Variants in HS3ST3A1 observed in about 807,000 individuals in gnomAD.
The protein encoded by HS3ST3A1 is heparan sulfate glucosamine 3-O-sulfotransferase 3A1.
HS3ST3A1 carries 19 observed loss-of-function variants against 25.7 expected under a neutral mutation model. The observed-to-expected ratio is 0.74, with a 90% CI of 0.52 to 1.08. HS3ST3A1 has a LOEUF of 1.08. HS3ST3A1 is among the 50% of genes least tolerant of loss of function. The pLI, the probability that HS3ST3A1 is intolerant of heterozygous loss-of-function variation, is 0.00. For missense variants in HS3ST3A1, 459 were observed against 594.3 expected (o/e 0.77, Z 2.37); for synonymous variants, 226 against 278.6 (o/e 0.81, Z 1.88).
intron 1 of HS3ST3A1, among the ~76,000 whole-genome samples, chr17:13,512,689 T>A (rs1262234877): frequency 6.6e-6 from 1 of 152,212 alleles, no homozygotes; most frequent in East Asian, 1.9e-4. Context: ...AGACCATTGC[T>A]GTCAGTAGAA....
intron 1 of HS3ST3A1, among the ~76,000 whole-genome samples, chr17:13,532,563 G>A (rs1007240424): frequency 3.9e-5 from 6 of 151,976 alleles, no homozygotes; most frequent in Admixed American, 6.6e-5. Flanking sequence ...TCCAGGGCCC[G>A]AGGGGGGCCA....
At chr17:13,510,954 T>C (rs1235983158) in intron 1 of HS3ST3A1, among the ~76,000 whole-genome samples, 1 of 152,200 alleles carries the variant, frequency 6.6e-6, no homozygotes, top group Non-Finnish European at 1.5e-5. Flanking sequence ...ATCACTCTTA[T>C]GATATAAAAC....
chr17:13,522,379 G>C lies in HS3ST3A1; in HGVS notation c.600-25561C>G, dbSNP rs28454210. 8.1e-3 allele frequency among the ~76,000 whole-genome samples: 1,225 copies of C among 152,114 alleles called. 15 individuals carry two copies. The highest frequency in any genetic ancestry group is 0.028 in the African/African-American group (1,156 of 41,502). On this transcript the variant is annotated intron_variant, in intron 1 of 1. Transcript: ENST00000284110. ...ATATTGTATTGTATGCTTTTGTTTG[G>C]TTGTTTTAATTTAATATGGTTTTCT...
At chr17:13,536,391 C>G (rs1258081106) in intron 1 of HS3ST3A1, among the ~76,000 whole-genome samples, 1 of 152,070 alleles carries the variant, frequency 6.6e-6, no homozygotes. Context: ...AAAATATACT[C>G]TTTGTTAATA....
At chr17:13,505,224 G>A (rs1255439742) in intron 1 of HS3ST3A1, among the ~76,000 whole-genome samples, 1 of 152,194 alleles carries the variant, frequency 6.6e-6, no homozygotes, top group Non-Finnish European at 1.5e-5. Flanking sequence ...ATAGTATACA[G>A]ACGACGGCTC....
At chr17:13,508,972 T>TC (rs1478442515) in intron 1 of HS3ST3A1, among the ~76,000 whole-genome samples, 5 of 152,112 alleles carry the variant, frequency 3.3e-5, no homozygotes, top group African/African-American at 4.8e-5. Flanking sequence ...AATTTTTTTT[T>TC]TTTTTTTAGC....
At chr17:13,531,316 G>A (rs1906598755) in intron 1 of HS3ST3A1, among the ~76,000 whole-genome samples, 1 of 152,146 alleles carries the variant, frequency 6.6e-6, no homozygotes, top group African/African-American at 2.4e-5. Flanking sequence ...AATTCCTGAT[G>A]AACTAGCTCC....
chr17:13,547,306 T>C (rs978106564), intron 1 of HS3ST3A1, among the ~76,000 whole-genome samples: 1 of 151,992 alleles, frequency 6.6e-6, no homozygotes, highest in Non-Finnish European at 1.5e-5. Context: ...TGCAAGTAAA[T>C]GTGATGACTG....
At chr17:13,557,642 ACTC>A (rs1448081190) in intron 1 of HS3ST3A1, among the ~76,000 whole-genome samples, 4 of 152,172 alleles carry the variant, frequency 2.6e-5, no homozygotes, top group African/African-American at 7.2e-5. Flanking sequence ...GGACAGGTGA[ACTC>A]ATTCAAAGAA....
intron 1 of HS3ST3A1, among the ~76,000 whole-genome samples, chr17:13,560,408 T>C (rs915577554): frequency 1.3e-5 from 2 of 151,732 alleles, no homozygotes; most frequent in African/African-American, 2.4e-5. Flanking sequence ...CTCTATATAT[T>C]CTTTCTGAAC....
At chr17:13,530,028 A>ACACACT (rs1157166957) in intron 1 of HS3ST3A1, among the ~76,000 whole-genome samples, 1 of 151,738 alleles carries the variant, frequency 6.6e-6, no homozygotes, top group Non-Finnish European at 1.5e-5. Flanking sequence ...ACACACACAC[A>ACACACT]CACATACACA....
intron 1 of HS3ST3A1, among the ~76,000 whole-genome samples, chr17:13,575,566 A>G (rs568112989): frequency 2.2e-4 from 34 of 152,220 alleles, no homozygotes; most frequent in Non-Finnish European, 3.8e-4. Flanking sequence ...CTAGGGGTCA[A>G]TCAAAGATTT....
intron 1 of HS3ST3A1, among the ~76,000 whole-genome samples, chr17:13,540,596 T>C (rs1308881709): frequency 6.6e-6 from 1 of 152,224 alleles, no homozygotes; most frequent in Non-Finnish European, 1.5e-5. Context: ...CATCTCTGCA[T>C]TTACGTTGGA....
chr17:13,497,863 C>A (rs1197390730), intron 1 of HS3ST3A1, among the ~76,000 whole-genome samples: 1 of 152,116 alleles, frequency 6.6e-6, no homozygotes, highest in Non-Finnish European at 1.5e-5. Flanking sequence ...AGATTTGTTA[C>A]TTTTGTTCAT....
chr17:13,519,566 T>C (rs553992595), intron 1 of HS3ST3A1, among the ~76,000 whole-genome samples: 1 of 152,264 alleles, frequency 6.6e-6, no homozygotes, highest in East Asian at 1.9e-4. Context: ...ATGATGATGA[T>C]GGTGATGATA....
chr17:13,571,624 T>C (rs933868599), intron 1 of HS3ST3A1, among the ~76,000 whole-genome samples: 1 of 152,172 alleles, frequency 6.6e-6, no homozygotes, highest in Non-Finnish European at 1.5e-5. Flanking sequence ...GGAGAGAGGA[T>C]AGGTAGATGG....
intron 1 of HS3ST3A1, among the ~76,000 whole-genome samples, chr17:13,588,341 G>T (rs1210803990): frequency 6.6e-6 from 1 of 152,010 alleles, no homozygotes; most frequent in Non-Finnish European, 1.5e-5. Flanking sequence ...AACTCATAGT[G>T]AGTCTATTCG....
intron 1 of HS3ST3A1, among the ~76,000 whole-genome samples, chr17:13,523,074 C>G (rs939321612): frequency 1.3e-5 from 2 of 152,082 alleles, no homozygotes; most frequent in African/African-American, 4.8e-5. Context: ...AGAAGTTATA[C>G]AAGCTAGGAA....
chr17:13,552,316 CGT>C (rs758219927), intron 1 of HS3ST3A1, among the ~76,000 whole-genome samples: 1 of 152,126 alleles, frequency 6.6e-6, no homozygotes, highest in Non-Finnish European at 1.5e-5. Flanking sequence ...CTCCTGACCT[CGT>C]GATCCACCCG....
Sources: allele counts gnomAD v4.1 joint callset (sites outside exome capture counted in the v4.1 genomes callset), GRCh38; gene constraint gnomAD v4.1.1; transcripts MANE v1.5; gene names NCBI Gene and HGNC (gene_info 2026-07-23, HGNC 2026-07-21).